Variants in NCKAP5 observed in about 807,000 individuals in gnomAD.
NCKAP5 encodes the protein NCK associated protein 5.
NCKAP5 carries 92 observed loss-of-function variants against 167.0 expected under a neutral mutation model. The ratio of observed to expected loss-of-function variants is 0.55; its 90% CI spans 0.47 to 0.66. The LOEUF (loss-of-function observed/expected upper bound fraction) is 0.66. Among genes scored for constraint, NCKAP5 ranks in the 30% least tolerant of loss-of-function variants. The pLI, the probability that NCKAP5 is intolerant of heterozygous loss-of-function variation, is 0.00. For synonymous variants in NCKAP5, 891 were observed against 877.4 expected, an observed-to-expected ratio of 1.02 and a Z score of -0.27; for missense variants, 2,378 against 2,315.0, an observed-to-expected ratio of 1.03 and a Z score of -0.56.
At chr2:133,346,570 C>G (rs1559403570) in intron 3 of NCKAP5, among the ~76,000 whole-genome samples, 1 of 152,184 alleles carries the variant, frequency 6.6e-6, no homozygotes. Context: ...GGGTGATGGT[C>G]TGAAATATTC....
intron 6 of NCKAP5, among the ~76,000 whole-genome samples, chr2:133,075,196 A>C (rs531072912): frequency 6.6e-6 from 1 of 152,232 alleles, no homozygotes; most frequent in African/African-American, 2.4e-5. Flanking sequence ...GGAGGTCAGA[A>C]TAGTAAAACG....
intron 5 of NCKAP5, among the ~76,000 whole-genome samples, chr2:133,201,566 C>T (rs1217196970): frequency 1.3e-5 from 2 of 152,024 alleles, no homozygotes; most frequent in African/African-American, 2.4e-5. Flanking sequence ...GGGTATGTGG[C>T]TGACAAGAGT....
intron 11 of NCKAP5, among the ~76,000 whole-genome samples, chr2:132,816,354 A>T (rs1188668186): frequency 1.3e-5 from 2 of 152,028 alleles, no homozygotes; most frequent in African/African-American, 4.8e-5. Context: ...GGAAGAGGGG[A>T]TAGGTAAATG....
the NCKAP5 span, among the ~76,000 whole-genome samples, chr2:133,574,487 G>A: frequency 1.3e-5 from 2 of 152,256 alleles, no homozygotes; most frequent in Middle Eastern, 3.4e-3. Context: ...CAGCCCCTGA[G>A]TTCCTCCTTT....
upstream of NCKAP5, among the ~76,000 whole-genome samples, chr2:133,569,758 T>C (rs2105065426): frequency 6.6e-6 from 1 of 152,242 alleles, no homozygotes; most frequent in Non-Finnish European, 1.5e-5. Flanking sequence ...TAGCAATTGG[T>C]TATTGATTTG....
intron 3 of NCKAP5, among the ~76,000 whole-genome samples, chr2:133,307,528 T>C (rs1680869374): frequency 6.6e-6 from 1 of 152,108 alleles, no homozygotes; most frequent in African/African-American, 2.4e-5. Flanking sequence ...AAAGGGGGAC[T>C]TGTTTGAATG....
At chr2:132,881,966 T>A (rs950673956) in intron 8 of NCKAP5, among the ~76,000 whole-genome samples, 1 of 152,194 alleles carries the variant, frequency 6.6e-6, no homozygotes, top group Admixed American at 6.5e-5. Flanking sequence ...CATTTTTCTA[T>A]CTACATTTAT....
chr2:133,141,712 T>C (rs1299311932), intron 5 of NCKAP5, among the ~76,000 whole-genome samples: 1 of 152,234 alleles, frequency 6.6e-6, no homozygotes, highest in Non-Finnish European at 1.5e-5. Flanking sequence ...ACTTCCCGTT[T>C]CATTGTGGAA....
chr2:132,966,462 G>T (rs961037979), intron 7 of NCKAP5, among the ~76,000 whole-genome samples: 4 of 152,098 alleles, frequency 2.6e-5, no homozygotes, highest in Non-Finnish European at 5.9e-5. Context: ...CCTAAATGAG[G>T]CTAATGTCAA....
At chr2:132,945,452 G>A (rs1485548518) in intron 8 of NCKAP5, among the ~76,000 whole-genome samples, 1 of 151,968 alleles carries the variant, frequency 6.6e-6, no homozygotes, top group African/African-American at 2.4e-5. Flanking sequence ...CTTGGGAATC[G>A]ATGGAAGTCA....
At chr2:133,195,616 G>A (rs2085402267) in intron 5 of NCKAP5, among the ~76,000 whole-genome samples, 1 of 152,028 alleles carries the variant, frequency 6.6e-6, no homozygotes, top group African/African-American at 2.4e-5. Flanking sequence ...TAGAAATCAA[G>A]ATAATTACAC....
chr2:133,077,825 C>A (rs1008321180), intron 6 of NCKAP5, among the ~76,000 whole-genome samples: 3 of 152,128 alleles, frequency 2.0e-5, no homozygotes, highest in Non-Finnish European at 4.4e-5. Context: ...AAAATGAAGC[C>A]TAGAGTACAG....
At chr2:133,573,221 A>G (rs928603876), upstream of NCKAP5, among the ~76,000 whole-genome samples, 2 of 152,226 alleles carry the variant, frequency 1.3e-5, no homozygotes, top group Non-Finnish European at 2.9e-5. Context: ...AAGTGAGCAT[A>G]AGGAATTCCA....
chr2:133,219,955 C>T (rs568972200), intron 4 of NCKAP5, among the ~76,000 whole-genome samples: 130 of 152,124 alleles, frequency 8.5e-4, no homozygotes, highest in Non-Finnish European at 1.3e-3. Flanking sequence ...GTTCCTGGCA[C>T]GCCATATTTT....
chr2:133,549,794 C>T (rs1160544386), intron 2 of NCKAP5, among the ~76,000 whole-genome samples: 6 of 150,052 alleles, frequency 4.0e-5, no homozygotes, highest in Non-Finnish European at 5.9e-5. Flanking sequence ...TTCAAAAAAT[C>T]AATGAATCCA....
At chr2:133,083,444 G>A (rs539836997) in intron 6 of NCKAP5, among the ~76,000 whole-genome samples, 2 of 152,286 alleles carry the variant, frequency 1.3e-5, no homozygotes, top group South Asian at 2.1e-4. Flanking sequence ...CCAAATGGTT[G>A]TGACACAAGA....
chr2:133,316,325 CT>C (rs1274010788), intron 3 of NCKAP5, among the ~76,000 whole-genome samples: 1 of 152,128 alleles, frequency 6.6e-6, no homozygotes, highest in East Asian at 1.9e-4. Flanking sequence ...AACATGAAGA[CT>C]TTTTAGAAAC....
At chr2:133,464,056 C>T (rs1200673722) in intron 3 of NCKAP5, among the ~76,000 whole-genome samples, 1 of 152,046 alleles carries the variant, frequency 6.6e-6, no homozygotes, top group African/African-American at 2.4e-5. Flanking sequence ...CACGGGGGAG[C>T]CTGCATGCCC....
At chr2:133,358,342 G>A (rs919835064) in intron 3 of NCKAP5, among the ~76,000 whole-genome samples, 4 of 152,126 alleles carry the variant, frequency 2.6e-5, no homozygotes, top group African/African-American at 9.7e-5. Context: ...AGTTTGGGAG[G>A]CCAAGGCAAG....
Sources: gnomAD v4.1 joint callset for allele counts (sites outside exome capture counted in the v4.1 genomes callset) on GRCh38, gnomAD v4.1.1 for gene constraint, MANE v1.5 for transcripts, NCBI Gene and HGNC (gene_info 2026-07-23, HGNC 2026-07-21) for gene names.